PKP2: variants seen among roughly 807,000 people sequenced by gnomAD.
The protein encoded by PKP2 is plakophilin 2, also known as plakophilin-2.
A neutral mutation model predicts 83.4 loss-of-function variants in PKP2; 73 were observed. The ratio of observed to expected loss-of-function variants is 0.88; its 90% CI spans 0.72 to 1.06. PKP2 has a LOEUF of 1.06. Among genes scored for constraint, PKP2 ranks in the 50% least tolerant of loss-of-function variants. The pLI is 0.00. For missense variants in PKP2, 966 were observed against 1,065.4 expected, an observed-to-expected ratio of 0.91 and a Z score of 1.30; for synonymous variants, 409 against 430.4, an observed-to-expected ratio of 0.95 and a Z score of 0.62.
At chr12:32,825,869 G>A (rs1956434761) in intron 6 of PKP2, among the ~76,000 whole-genome samples, 1 of 152,140 alleles carries the variant, frequency 6.6e-6, no homozygotes, top group Non-Finnish European at 1.5e-5. Context: ...ACTCCAGCCT[G>A]GGTGACAGAG....
At chr12:32,800,093 G>C (rs1384972644) in intron 10 of PKP2, among the ~76,000 whole-genome samples, 1 of 152,184 alleles carries the variant, frequency 6.6e-6, no homozygotes, top group African/African-American at 2.4e-5. Flanking sequence ...AAAAGATAGA[G>C]AGCATGCATC....
intron 3 of PKP2, among the ~76,000 whole-genome samples, chr12:32,869,650 C>CA (rs1565596456): frequency 2.1e-5 from 3 of 144,386 alleles, no homozygotes; most frequent in African/African-American, 7.7e-5. Flanking sequence ...ATGATTCTTA[C>CA]ATCTTATAAA....
At position 32,849,018 on chromosome 12, in the gene PKP2, A is replaced by C. The variant is rs185350247; in HGVS notation, c.1378+1748T>G. Among the ~76,000 whole-genome samples, 312 of 151,862 alleles carry C rather than the reference A, an allele frequency of 2.1e-3. 2 individuals carry two copies. Among genetic ancestry groups the C allele is most frequent in the African/African-American group, 6.9e-3 (284 of 41,394 alleles). On this transcript the variant is annotated intron_variant, in intron 5 of 12. Transcript: ENST00000340811. ...CTATTACACAGTTAAAAAAAAAAAA[A>C]AAAAAACCTCTTCTATGATGTATAT...
intron 3 of PKP2, 49 bp from the exon 4 acceptor site, chr12:32,869,111 T>C: frequency 6.2e-7 from 1 of 1,609,376 alleles, no homozygotes; most frequent in Non-Finnish European, 8.5e-7. Flanking sequence ...TCCCTCCTCC[T>C]GCCTACCAAC....
intron 6 of PKP2, among the ~76,000 whole-genome samples, chr12:32,835,102 G>C (rs909596656): frequency 6.7e-6 from 1 of 150,270 alleles, no homozygotes; most frequent in African/African-American, 2.4e-5. Flanking sequence ...TGCCCGGACT[G>C]GAGTGCAGTG....
chr12:32,827,183 G>A lies in PKP2; in HGVS notation c.1557-3021C>T, dbSNP rs186140759. 1.8e-3 allele frequency among the ~76,000 whole-genome samples: 272 copies of A among 152,352 alleles called. 3 individuals carry two copies. Among genetic ancestry groups the A allele is most frequent in the Middle Eastern group, 0.014 (4 of 294 alleles). Reference sequence around the variant, plus strand: ...ATTTCGGGTTAGAATGGTAAGTCAAGTTGGCAGTACTGCCAGTTCACAAGT... The same window carrying A: ...ATTTCGGGTTAGAATGGTAAGTCAAATTGGCAGTACTGCCAGTTCACAAGT... On this transcript the variant is annotated intron_variant, in intron 6 of 12. Coordinates refer to ENST00000340811, the MANE Select transcript of PKP2 (RefSeq NM_001005242.3).
At chr12:32,813,147 A>C (rs950243023) in intron 9 of PKP2, among the ~76,000 whole-genome samples, 1 of 151,584 alleles carries the variant, frequency 6.6e-6, no homozygotes, top group South Asian at 2.1e-4. Flanking sequence ...TAGTGACCAA[A>C]CAAACAAACA....
At chr12:32,864,930 T>C (rs1010936384) in intron 4 of PKP2, among the ~76,000 whole-genome samples, 16 of 152,196 alleles carry the variant, frequency 1.1e-4, no homozygotes, top group Admixed American at 1.3e-4. Context: ...TGAAGGCTTT[T>C]TGAAAGTAGG....
intron 10 of PKP2, 142 bp from the exon 11 acceptor site, chr12:32,796,440 T>C (rs889470715): frequency 1.3e-6 from 1 of 753,660 alleles, no homozygotes; most frequent in Non-Finnish European, 2.2e-6. Context: ...TGGAGTGCAG[T>C]GGCACCATCT....
intron 4 of PKP2, among the ~76,000 whole-genome samples, chr12:32,851,332 A>G (rs748742563): frequency 1.6e-4 from 25 of 152,200 alleles, no homozygotes; most frequent in Non-Finnish European, 2.9e-5. Context: ...AGTTTTTTTT[A>G]TTAAATAATC....
intron 1 of PKP2, among the ~76,000 whole-genome samples, chr12:32,895,837 C>G (rs1957117946): frequency 1.3e-5 from 2 of 152,320 alleles, no homozygotes; most frequent in African/African-American, 4.8e-5. Context: ...GGGTAGGAAG[C>G]GCAGCTAGGC....
intron 4 of PKP2, among the ~76,000 whole-genome samples, chr12:32,858,875 G>A (rs1443199127): frequency 6.6e-6 from 1 of 152,062 alleles, no homozygotes; most frequent in African/African-American, 2.4e-5. Context: ...AATAATTAAT[G>A]AATTCAAGTG....
intron 7 of PKP2, 137 bp from the exon 8 acceptor site, chr12:32,822,768 G>A (rs1956394706): frequency 1.2e-6 from 1 of 861,192 alleles, no homozygotes; most frequent in Non-Finnish European, 1.9e-6. Flanking sequence ...GTTGCCTGGG[G>A]GAAATGCAAT....
At chr12:32,893,747 T>C (rs904560461) in intron 1 of PKP2, 1 of 152,118 alleles carries the variant, frequency 6.6e-6, no homozygotes, top group African/African-American at 2.4e-5. Flanking sequence ...ACCAAGATAG[T>C]GCCCTTTGTT....
At chr12:32,863,382 T>C (rs868149162) in intron 4 of PKP2, 12 of 270,380 alleles carry the variant, frequency 4.4e-5, no homozygotes, top group Non-Finnish European at 3.9e-5. Context: ...GCAATCTTCC[T>C]GCTAGAGCTA....
chr12:32,858,134 TTATA>T (rs1189818316), intron 4 of PKP2, among the ~76,000 whole-genome samples: 2,401 of 93,412 alleles, frequency 0.026, 144 homozygotes, highest in African/African-American at 0.11. Flanking sequence ...TATTTTATAT[TTATA>T]TATATATATA....
chr12:32,850,761 A>C lies in PKP2; in HGVS notation c.1378+5T>G, dbSNP rs767415624. ...TTAGGTTCTTCAATGTTCAGTAAGC[A>C]CTACCTGTTATTTGTTTTTTAGTCT... On this transcript the variant is annotated splice_donor_5th_base_variant and intron_variant, in intron 5 of 12. Transcript: ENST00000340811. The C allele has an allele frequency of 1.9e-6, 3 of 1,608,272 alleles. No individual in the cohort carries two copies. Among genetic ancestry groups the C allele is most frequent in the Non-Finnish European group, 2.6e-6 (3 of 1,176,410 alleles).
intron 1 of PKP2, among the ~76,000 whole-genome samples, chr12:32,880,578 C>T (rs1956976332): frequency 1.3e-5 from 2 of 152,116 alleles, no homozygotes; most frequent in African/African-American, 2.4e-5. Flanking sequence ...AATCACCTGG[C>T]CCCTCTTTTG....
In PKP2 at chr12:32,821,436, AG is replaced by A; in HGVS notation, c.1932del (p.Leu645Ter). ...TAGTTGCGGACACTTTTGGCGATCA[AG>A]GACAGATACATCCTTATAACAATGG... Reference protein sequence around the residue: ...WHSIVIRMYLSLIAKSVRNYT... With the variant: ...WHSIVIRMYLXLIAKSVRNYT... On this transcript the variant is annotated frameshift_variant, in exon 9 of 13. Transcript: ENST00000340811. LOFTEE classifies it high-confidence loss of function. The A allele has an allele frequency of 6.2e-7, 1 of 1,614,138 alleles. No homozygotes were observed. Among genetic ancestry groups the A allele is most frequent in the Non-Finnish European group, 8.5e-7 (1 of 1,180,006 alleles).
Sources: gnomAD v4.1 joint callset for allele counts (sites outside exome capture counted in the v4.1 genomes callset) on GRCh38, gnomAD v4.1.1 for gene constraint, MANE v1.5 for transcripts, NCBI Gene and HGNC (gene_info 2026-07-23, HGNC 2026-07-21) for gene names.